The following DOCK3 variants were observed in gnomAD, a reference collection of about 807,000 sequenced individuals.
The protein encoded by DOCK3 is dedicator of cytokinesis 3, also known as dedicator of cytokinesis protein 3.
DOCK3 carries 60 observed loss-of-function variants against 265.6 expected under a neutral mutation model. The ratio of observed to expected loss-of-function variants is 0.23; its 90% CI spans 0.18 to 0.28. The LOEUF is 0.28. DOCK3 is among the 10% of genes least tolerant of loss of function. The pLI, the probability that DOCK3 is intolerant of heterozygous loss-of-function variation, is 1.00. For synonymous variants in DOCK3, 881 were observed against 938.0 expected (o/e 0.94, Z 1.11); for missense variants, 1,981 against 2,594.3 (o/e 0.76, Z 5.14).
At chr3:51,350,920 C>A (rs545753274) in intron 40 of DOCK3, among the ~76,000 whole-genome samples, 1 of 152,318 alleles carries the variant, frequency 6.6e-6, no homozygotes, top group African/African-American at 2.4e-5. Flanking sequence ...AGGGAGCTGC[C>A]AAGCACTGGG....
intron 10 of DOCK3, among the ~76,000 whole-genome samples, chr3:51,151,971 T>C (rs1412248393): frequency 6.6e-6 from 1 of 152,220 alleles, no homozygotes; most frequent in Non-Finnish European, 1.5e-5. Context: ...CAATTATGTG[T>C]CTTGGAGTTG....
At chr3:51,009,300 T>C (rs913012431) in intron 5 of DOCK3, among the ~76,000 whole-genome samples, 3 of 152,188 alleles carry the variant, frequency 2.0e-5, no homozygotes, top group African/African-American at 7.2e-5. Context: ...TCAGAGCCTG[T>C]TATTGGTCTA....
chr3:51,051,200 A>G (rs73833977), intron 5 of DOCK3, among the ~76,000 whole-genome samples: 9,281 of 152,264 alleles, frequency 0.061, 1,014 homozygotes, highest in African/African-American at 0.21. Context: ...TTTTAAAGGG[A>G]TATATAAGTA....
intron 1 of DOCK3, among the ~76,000 whole-genome samples, chr3:50,762,267 AAAAG>A (rs891710053): frequency 1.3e-5 from 2 of 152,166 alleles, no homozygotes; most frequent in African/African-American, 4.8e-5. Flanking sequence ...AAAGAAAAAA[AAAAG>A]AATAGATAAC....
intron 5 of DOCK3, among the ~76,000 whole-genome samples, chr3:50,966,483 GTTTT>G (rs140247895): frequency 1.7e-5 from 2 of 116,904 alleles, no homozygotes; most frequent in Admixed American, 9.0e-5. Context: ...GTTATCTCTT[GTTTT>G]TTTTTTTTTT....
At chr3:51,375,697 A>C in intron 50 of DOCK3, 51 bp from the exon 51 acceptor site, 10 of 1,605,560 alleles carry the variant, frequency 6.2e-6, no homozygotes, top group Non-Finnish European at 8.5e-6. Context: ...CTGCCTCCCA[A>C]GATATAATTG....
At chr3:51,313,893 C>T (rs2083226648) in intron 31 of DOCK3, among the ~76,000 whole-genome samples, 1 of 152,184 alleles carries the variant, frequency 6.6e-6, no homozygotes, top group Admixed American at 6.5e-5. Flanking sequence ...ATGCAAGAGA[C>T]TGGCTACTGT....
At chr3:50,977,615 A>G (rs1047474787) in intron 5 of DOCK3, among the ~76,000 whole-genome samples, 30 of 151,884 alleles carry the variant, frequency 2.0e-4, no homozygotes, top group Non-Finnish European at 3.1e-4. Flanking sequence ...TCTGACAACT[A>G]TGTGTCTTGG....
chr3:51,301,467 C>G (rs2082357700), intron 27 of DOCK3, among the ~76,000 whole-genome samples: 1 of 151,080 alleles, frequency 6.6e-6, no homozygotes, highest in Non-Finnish European at 1.5e-5. Context: ...TTTGTTTGCT[C>G]TTGGTTCTCT....
chr3:50,783,236 C>G (rs1030482993), intron 2 of DOCK3, among the ~76,000 whole-genome samples: 1 of 152,006 alleles, frequency 6.6e-6, no homozygotes, highest in Non-Finnish European at 1.5e-5. Context: ...ACTTTTTGTT[C>G]TTTAAGGAAT....
chr3:51,316,355 T>C (rs1321427897), intron 32 of DOCK3, among the ~76,000 whole-genome samples: 1 of 152,266 alleles, frequency 6.6e-6, no homozygotes, highest in Non-Finnish European at 1.5e-5. Context: ...ATTTAGTTCA[T>C]TCATTCACCA....
chr3:50,727,034 A>G (rs1255828754), intron 1 of DOCK3, among the ~76,000 whole-genome samples: 2 of 151,544 alleles, frequency 1.3e-5, no homozygotes, highest in Non-Finnish European at 2.9e-5. Flanking sequence ...AAGGGAAGCC[A>G]GGAGAATAAT....
chr3:50,820,139 C>T (rs889871535), intron 2 of DOCK3, among the ~76,000 whole-genome samples: 3 of 152,206 alleles, frequency 2.0e-5, no homozygotes, highest in Admixed American at 6.5e-5. Context: ...TTTACTCAGG[C>T]AGCCCATGCC....
intron 5 of DOCK3, among the ~76,000 whole-genome samples, chr3:51,046,248 AT>A (rs2080773837): frequency 6.6e-6 from 1 of 152,208 alleles, no homozygotes; most frequent in African/African-American, 2.4e-5. Context: ...GCCAAGAATT[AT>A]TTTAAATGTA....
intron 22 of DOCK3, among the ~76,000 whole-genome samples, chr3:51,253,876 T>C (rs1328928996): frequency 6.6e-6 from 1 of 151,926 alleles, no homozygotes; most frequent in Non-Finnish European, 1.5e-5. Flanking sequence ...AGTTCTGCTC[T>C]TAGTTATTTC....
intron 23 of DOCK3, among the ~76,000 whole-genome samples, chr3:51,265,090 T>A (rs542792580): frequency 6.6e-6 from 1 of 152,112 alleles, no homozygotes; most frequent in South Asian, 2.1e-4. Flanking sequence ...GCAAATAAAC[T>A]AGAAACTCTG....
chr3:50,917,432 G>A (rs1219362557), intron 4 of DOCK3, among the ~76,000 whole-genome samples: 3 of 151,698 alleles, frequency 2.0e-5, no homozygotes, highest in Admixed American at 6.6e-5. Flanking sequence ...GTAAATTTTA[G>A]TACTTTATAT....
intron 31 of DOCK3, among the ~76,000 whole-genome samples, chr3:51,313,118 A>G (rs1484785260): frequency 1.3e-5 from 2 of 152,216 alleles, no homozygotes; most frequent in Non-Finnish European, 2.9e-5. Context: ...TCAGTAATAC[A>G]TATGCCAAAT....
chr3:51,319,180 A>C (rs1234319430), intron 32 of DOCK3, among the ~76,000 whole-genome samples: 1 of 152,194 alleles, frequency 6.6e-6, no homozygotes, highest in Non-Finnish European at 1.5e-5. Flanking sequence ...TGCTTCTCCT[A>C]TTAAACAAAT....
Sources: gnomAD v4.1 joint callset for allele counts (sites outside exome capture counted in the v4.1 genomes callset) on GRCh38, gnomAD v4.1.1 for gene constraint, MANE v1.5 for transcripts, NCBI Gene and HGNC (gene_info 2026-07-23, HGNC 2026-07-21) for gene names.